The following GNAL variants were observed in gnomAD, a reference collection of about 807,000 sequenced individuals.
GNAL encodes guanine nucleotide-binding protein G(olf) subunit alpha.
In GNAL, 18 loss-of-function variants were observed where a neutral mutation model predicts 55.1. That is an observed-to-expected ratio of 0.33 (90% CI 0.23 to 0.48). The LOEUF (loss-of-function observed/expected upper bound fraction) is 0.48. GNAL is among the 20% of genes least tolerant of loss of function. The pLI, the probability that GNAL is intolerant of heterozygous loss-of-function variation, is 0.99. For missense variants in GNAL, 412 were observed against 614.1 expected (o/e 0.67, Z 3.48); for synonymous variants, 253 against 237.0 (o/e 1.07, Z -0.62).
In GNAL at chr18:11,885,670, C is replaced by T. The variant is rs748780926; in HGVS notation, c.*4535C>T. ...GCTTTCAGACAAAAATAAACTTTCA[C>T]GTTACCATGATGAAACTGGGGTTGT... On this transcript the variant is annotated 3_prime_UTR_variant, in exon 12 of 12. Transcript: ENST00000334049. 3.4e-5 allele frequency: 55 copies of T among 1,609,190 alleles called. No individual in the cohort carries two copies. The East Asian group carries it at 1.1e-3, about 31-fold the overall frequency.
At chr18:11,818,069 A>T (rs1461437023) in intron 4 of GNAL, among the ~76,000 whole-genome samples, 3 of 150,234 alleles carry the variant, frequency 2.0e-5, no homozygotes, top group African/African-American at 7.4e-5. Flanking sequence ...TAAAAATTAA[A>T]AAAAAAAAAA....
At chr18:11,880,501 G>A (rs1362770300) in intron 11 of GNAL, among the ~76,000 whole-genome samples, 1 of 151,978 alleles carries the variant, frequency 6.6e-6, no homozygotes, top group East Asian at 1.9e-4. Context: ...CTTGAACCTG[G>A]GAGGTGGAGG....
intron 1 of GNAL, among the ~76,000 whole-genome samples, chr18:11,715,460 C>CAA (rs34339537): frequency 0.011 from 740 of 67,690 alleles, 9 homozygotes; most frequent in African/African-American, 0.029. Context: ...GACTCCATCT[C>CAA]AAAAAAAAAA....
intron 4 of GNAL, among the ~76,000 whole-genome samples, chr18:11,812,676 T>G (rs935920676): frequency 3.2e-4 from 49 of 152,040 alleles, no homozygotes; most frequent in Middle Eastern, 6.8e-3. Context: ...AAACCCTGTC[T>G]CTACTAAAAA....
chr18:11,693,212 CTG>C (rs58897668), intron 1 of GNAL, among the ~76,000 whole-genome samples: 295 of 152,236 alleles, frequency 1.9e-3, no homozygotes, highest in African/African-American at 6.8e-3. Flanking sequence ...GACTATGAAT[CTG>C]TGAAAAACAA....
chr18:11,817,386 A>C (rs1317488464), intron 4 of GNAL, among the ~76,000 whole-genome samples: 1 of 152,198 alleles, frequency 6.6e-6, no homozygotes, highest in East Asian at 1.9e-4. Context: ...AATTACCTGC[A>C]CAGCAGGATT....
At chr18:11,816,866 T>A (rs1394538470) in intron 4 of GNAL, among the ~76,000 whole-genome samples, 1 of 149,070 alleles carries the variant, frequency 6.7e-6, no homozygotes, top group Admixed American at 6.7e-5. Flanking sequence ...ACAAAATGGA[T>A]GAATTTCAAA....
Position 11,752,510 on chromosome 18 carries a change from A to G in GNAL, c.377-343A>G, listed in dbSNP as rs2032884055. 6.2e-7 allele frequency: 1 copy of G among 1,613,106 alleles called. No individual in the cohort carries two copies. The highest frequency in any genetic ancestry group is 1.1e-5 in the South Asian group (1 of 90,992). ...GAAAAAGAACGACGCGAGGCCAACA[A>G]AAAGATCGAGAAGCAGTTGCAGAAA... On this transcript the variant is annotated intron_variant, in intron 1 of 11. Transcript: ENST00000334049. This position sits in a 1 kb window ranked among gnomAD's most constrained non-coding sequence, Gnocchi z 4.5.
At chr18:11,767,852 T>C (rs2033461757) in intron 4 of GNAL, among the ~76,000 whole-genome samples, 1 of 152,202 alleles carries the variant, frequency 6.6e-6, no homozygotes, top group South Asian at 2.1e-4. Context: ...CCTGAAACAC[T>C]AAGATTTCCA....
chr18:11,815,189 G>C (rs1250549199), intron 4 of GNAL, among the ~76,000 whole-genome samples: 1 of 152,044 alleles, frequency 6.6e-6, no homozygotes, highest in East Asian at 1.9e-4. Context: ...ACCCAGATTT[G>C]ATCATTATAC....
chr18:11,790,177 G>T (rs116131373), intron 4 of GNAL, among the ~76,000 whole-genome samples: 1 of 152,186 alleles, frequency 6.6e-6, no homozygotes, highest in Non-Finnish European at 1.5e-5. Context: ...CAAGCCAGTT[G>T]TTGGATGAGG....
intron 1 of GNAL, among the ~76,000 whole-genome samples, chr18:11,706,803 G>C (rs968460499): frequency 6.6e-6 from 1 of 152,004 alleles, no homozygotes; most frequent in Admixed American, 6.6e-5. Flanking sequence ...TCACATCTTC[G>C]GGCTCCACTT....
intron 10 of GNAL, among the ~76,000 whole-genome samples, chr18:11,872,987 C>T (rs1370135371): frequency 2.0e-5 from 3 of 152,186 alleles, no homozygotes; most frequent in Admixed American, 2.0e-4. Flanking sequence ...CCATCCCAGG[C>T]CACCTGAGAC....
chr18:11,867,053 C>T (rs1005404951), intron 7 of GNAL, 115 bp from the exon 8 acceptor site: 11 of 799,632 alleles, frequency 1.4e-5, no homozygotes, highest in Non-Finnish European at 2.4e-5. Context: ...CCGAGCTTGA[C>T]TCAAGACCCA....
At chr18:11,784,696 G>T (rs2034010322) in intron 4 of GNAL, among the ~76,000 whole-genome samples, 1 of 152,160 alleles carries the variant, frequency 6.6e-6, no homozygotes, top group Non-Finnish European at 1.5e-5. Context: ...TGTTTAAAAG[G>T]AATGTATTAT....
At chr18:11,821,777 C>G (rs1048817849) in intron 4 of GNAL, among the ~76,000 whole-genome samples, 3 of 152,148 alleles carry the variant, frequency 2.0e-5, no homozygotes, top group Admixed American at 6.5e-5. Flanking sequence ...AGGAGGGAGC[C>G]GGGAGGTCCT....
chr18:11,808,715 A>G (rs1403803490), intron 4 of GNAL, among the ~76,000 whole-genome samples: 1 of 152,262 alleles, frequency 6.6e-6, no homozygotes, highest in African/African-American at 2.4e-5. Flanking sequence ...TTATAGCAGC[A>G]TTACTCAATA....
chr18:11,859,385 G>A (rs1598433940), intron 5 of GNAL, among the ~76,000 whole-genome samples: 1 of 152,054 alleles, frequency 6.6e-6, no homozygotes, highest in Non-Finnish European at 1.5e-5. Context: ...TTTGTTGCTG[G>A]ATGGTCAGGA....
At chr18:11,706,179 A>G (rs1337942062) in intron 1 of GNAL, among the ~76,000 whole-genome samples, 2 of 152,010 alleles carry the variant, frequency 1.3e-5, no homozygotes, top group Non-Finnish European at 2.9e-5. Flanking sequence ...ATATAAGCAT[A>G]TCTCAGAGAT....
Sources: allele counts gnomAD v4.1 joint callset (sites outside exome capture counted in the v4.1 genomes callset), GRCh38; gene constraint gnomAD v4.1.1; non-coding constraint Gnocchi (gnomAD v3.1); transcripts MANE v1.5; gene names NCBI Gene and HGNC (gene_info 2026-07-23, HGNC 2026-07-21).